Variants in ITGB8 observed in about 807,000 individuals in gnomAD.
ITGB8 encodes integrin beta-8.
A neutral mutation model predicts 89.5 loss-of-function variants in ITGB8; 30 were observed. The ratio of observed to expected loss-of-function variants is 0.34; its 90% CI spans 0.25 to 0.45. The LOEUF (loss-of-function observed/expected upper bound fraction) is 0.45, where lower values mean the gene tolerates loss of function less well. ITGB8 is among the 20% of genes least tolerant of loss of function. ITGB8 has a pLI of 1.00. For missense variants in ITGB8, 836 were observed against 933.3 expected, an observed-to-expected ratio of 0.90 and a Z score of 1.36; for synonymous variants, 335 against 320.4, an observed-to-expected ratio of 1.05 and a Z score of -0.49.
At chr7:20,338,936 G>A (rs1772785104) in intron 1 of ITGB8, among the ~76,000 whole-genome samples, 1 of 152,094 alleles carries the variant, frequency 6.6e-6, no homozygotes, top group Admixed American at 6.5e-5. Context: ...GCTCACACCT[G>A]TAATCCCAGC....
intron 1 of ITGB8, among the ~76,000 whole-genome samples, chr7:20,339,844 A>G (rs143921107): frequency 0.084 from 12,780 of 152,112 alleles, 698 homozygotes; most frequent in South Asian, 0.22. Flanking sequence ...CCTGGCCAAT[A>G]TGGTGAAACC....
At chr7:20,353,937 A>AAAAAAAAAAC (rs1785200410) in intron 1 of ITGB8, among the ~76,000 whole-genome samples, 1 of 143,376 alleles carries the variant, frequency 7.0e-6, no homozygotes, top group South Asian at 2.1e-4. Context: ...GTCTCAAAAA[A>AAAAAAAAAAC]AAAAAAAAAA....
chr7:20,370,673 C>T (rs895628674), intron 3 of ITGB8, among the ~76,000 whole-genome samples: 4 of 151,532 alleles, frequency 2.6e-5, no homozygotes, highest in Non-Finnish European at 4.4e-5. Context: ...TACAGTGGTG[C>T]GATCTCAGCT....
intron 6 of ITGB8, among the ~76,000 whole-genome samples, chr7:20,388,689 AG>A (rs1376505241): frequency 1.7e-4 from 26 of 151,880 alleles, no homozygotes; most frequent in Admixed American, 1.7e-3. Context: ...CAGAATGTGC[AG>A]GTTTGTTACC....
At chr7:20,342,816 C>T (rs1784807823) in intron 1 of ITGB8, among the ~76,000 whole-genome samples, 1 of 152,110 alleles carries the variant, frequency 6.6e-6, no homozygotes, top group African/African-American at 2.4e-5. Context: ...CCTAGAAACA[C>T]AAAGTTTGGA....
intron 1 of ITGB8, among the ~76,000 whole-genome samples, chr7:20,336,793 T>C (rs1269165311): frequency 1.3e-5 from 2 of 152,184 alleles, no homozygotes; most frequent in Non-Finnish European, 2.9e-5. Context: ...CTGCCTGTAT[T>C]TTTGTGTGTC....
At chr7:20,349,385 C>A (rs1050234036) in intron 1 of ITGB8, among the ~76,000 whole-genome samples, 5 of 151,180 alleles carry the variant, frequency 3.3e-5, no homozygotes, top group African/African-American at 1.2e-4. Context: ...TGGCCAAAAC[C>A]GCAATTACTT....
At chr7:20,407,003 AT>A (rs1391367529) in intron 12 of ITGB8, among the ~76,000 whole-genome samples, 1 of 152,202 alleles carries the variant, frequency 6.6e-6, no homozygotes, top group East Asian at 1.9e-4. Flanking sequence ...GAAAGCAAAT[AT>A]TGATTAGACA....
chr7:20,355,354 A>G (rs1402243716), intron 1 of ITGB8, among the ~76,000 whole-genome samples: 4 of 152,176 alleles, frequency 2.6e-5, no homozygotes, highest in Admixed American at 6.5e-5. Flanking sequence ...GTCCCAGTAA[A>G]TCACTTGCTA....
rs1787841080 is a variant in ITGB8, at chr7:20,413,714, T to G, written c.*3717T>G. ...GAACAAAGACAGACCCATTAAAATC[T>G]AAGAATTCTAAATTTTCACAACTGT... On this transcript the variant is annotated 3_prime_UTR_variant, in exon 14 of 14. Transcript: ENST00000222573. 6.6e-6 allele frequency: 1 copy of G among 152,122 alleles called. No individual in the cohort carries two copies. Among genetic ancestry groups the G allele is most frequent in the Admixed American group, 6.5e-5 (1 of 15,268 alleles). 9.4% of individuals were successfully genotyped at this position (152,122 alleles called of 1,614,324 possible). A position where few individuals can be genotyped will look rare whatever the true frequency, so the allele number is the denominator to read the frequency against.
Position 20,410,233 on chromosome 7 carries a change from T to C in ITGB8, c.*236T>C. On this transcript the variant is annotated 3_prime_UTR_variant, in exon 14 of 14. Coordinates refer to ENST00000222573, the MANE Select transcript of ITGB8 (RefSeq NM_002214.3). Reference sequence around the variant, plus strand: ...TTGAGACTAGTGTCGTTGTAGCACTTTACTGTAATATATAACTTATTTAGA... The same window carrying C: ...TTGAGACTAGTGTCGTTGTAGCACTCTACTGTAATATATAACTTATTTAGA... 2.1e-6 allele frequency: 1 copy of C among 470,138 alleles called. No homozygotes were observed. The highest frequency in any genetic ancestry group is 3.8e-6 in the Non-Finnish European group (1 of 261,316). The allele number at this position is 470,138 out of a possible 1,614,324, so 29.1% of individuals were successfully genotyped here.
At chr7:20,347,974 A>C (rs1320868944) in intron 1 of ITGB8, among the ~76,000 whole-genome samples, 1 of 152,232 alleles carries the variant, frequency 6.6e-6, no homozygotes, top group Non-Finnish European at 1.5e-5. Flanking sequence ...AATGTAATTA[A>C]GAAATATTAT....
At chr7:20,338,065 AG>A (rs1251575181) in intron 1 of ITGB8, among the ~76,000 whole-genome samples, 2 of 152,104 alleles carry the variant, frequency 1.3e-5, no homozygotes. Flanking sequence ...GGGAGAGAAG[AG>A]GGGAAGATAA....
intron 6 of ITGB8, among the ~76,000 whole-genome samples, chr7:20,389,830 T>C (rs1367868889): frequency 1.5e-5 from 1 of 67,944 alleles, no homozygotes; most frequent in African/African-American, 4.4e-5. Context: ...AGAATTTGTG[T>C]TTTTGGAGTT....
intron 1 of ITGB8, among the ~76,000 whole-genome samples, chr7:20,337,018 C>T (rs1583462825): frequency 6.6e-6 from 1 of 152,200 alleles, no homozygotes; most frequent in East Asian, 1.9e-4. Context: ...TTTCCCAGAC[C>T]ATACCAGAAA....
In ITGB8 at chr7:20,394,965, T is replaced by G; in HGVS notation, c.1126T>G (p.Leu376Val). ...ATCAAAGGCTGCAAACCTCAATAAT[T>G]TGGTAGTGGAAGCCTATCAGGTATG... ...IESKAANLNNLVVEAYQKLIS... is the reference protein window; with the variant it reads ...IESKAANLNNVVVEAYQKLIS... The change falls in exon 8 of 14, where the codon TTG (leucine) becomes GTG (valine). Residue 376 changes from leucine (L) to valine (V), a missense_variant. Leu to Val is a conservative substitution (Grantham distance 32, BLOSUM62 1). Coordinates refer to ENST00000222573, the MANE Select transcript of ITGB8 (RefSeq NM_002214.3). 1 of 1,611,414 alleles carries G rather than the reference T, an allele frequency of 6.2e-7. No individual in the cohort carries two copies. Among genetic ancestry groups the G allele is most frequent in the Non-Finnish European group, 8.5e-7 (1 of 1,177,622 alleles).
At chr7:20,397,401 T>G (rs1787130231) in intron 8 of ITGB8, among the ~76,000 whole-genome samples, 1 of 152,134 alleles carries the variant, frequency 6.6e-6, no homozygotes, top group Non-Finnish European at 1.5e-5. Flanking sequence ...AATTTTTGTA[T>G]TTTTAGTAGA....
intron 1 of ITGB8, among the ~76,000 whole-genome samples, chr7:20,346,100 G>A (rs1784913509): frequency 6.6e-6 from 1 of 152,142 alleles, no homozygotes; most frequent in East Asian, 1.9e-4. Context: ...GGATGATTAG[G>A]GGATGAGAGA....
At chr7:20,354,003 A>T (rs912291291) in intron 1 of ITGB8, among the ~76,000 whole-genome samples, 1 of 151,338 alleles carries the variant, frequency 6.6e-6, no homozygotes, top group Non-Finnish European at 1.5e-5. Flanking sequence ...GAATTCATCT[A>T]GTTATGTATC....
Sources: gnomAD v4.1 joint callset for allele counts (sites outside exome capture counted in the v4.1 genomes callset) on GRCh38, gnomAD v4.1.1 for gene constraint, MANE v1.5 for transcripts, NCBI Gene and HGNC (gene_info 2026-07-23, HGNC 2026-07-21) for gene names.